Variants in MBD2 observed in about 807,000 individuals in gnomAD.
MBD2 encodes the protein methyl-CpG-binding domain protein 2.
A neutral mutation model predicts 39.3 loss-of-function variants in MBD2; 9 were observed. The observed-to-expected ratio is 0.23, with a 90% CI of 0.14 to 0.40. The LOEUF (loss-of-function observed/expected upper bound fraction) is 0.40, where lower values mean the gene tolerates loss of function less well. Ranked by LOEUF, MBD2 falls within the 10% of genes least tolerant of loss-of-function variation. MBD2 has a pLI of 1.00. For synonymous variants in MBD2, 233 were observed against 211.1 expected, an observed-to-expected ratio of 1.10 and a Z score of -0.90; for missense variants, 458 against 532.6, an observed-to-expected ratio of 0.86 and a Z score of 1.38.
Position 54,192,598 on chromosome 18 carries a change from C to T in MBD2, c.703-3587G>A, listed in dbSNP as rs543706350. Among the ~76,000 whole-genome samples the T allele has an allele frequency of 3.9e-5, 6 of 152,282 alleles. No homozygotes were observed. In the East Asian group the frequency reaches 1.2e-3, roughly 29 times the overall value. ...CAAAGGTGGCATCATGTGTCTACTT[C>T]AGTAGACACACAGAAGTATTTGCAA... On this transcript the variant is annotated intron_variant, in intron 2 of 6. Coordinates refer to ENST00000256429, the MANE Select transcript of MBD2 (RefSeq NM_003927.5).
At chr18:54,158,217 C>T (rs1010439930) in intron 6 of MBD2, among the ~76,000 whole-genome samples, 1 of 151,578 alleles carries the variant, frequency 6.6e-6, no homozygotes, top group Non-Finnish European at 1.5e-5. Flanking sequence ...AGACATACTG[C>T]ATTCCAACCA....
chr18:54,208,114 T>C (rs2086466730), intron 1 of MBD2, among the ~76,000 whole-genome samples: 2 of 152,110 alleles, frequency 1.3e-5, no homozygotes, highest in Admixed American at 1.3e-4. Context: ...AGATATCAGA[T>C]ACTCAAGTTA....
chr18:54,176,944 G>A (rs949213621), intron 3 of MBD2, among the ~76,000 whole-genome samples: 2 of 152,240 alleles, frequency 1.3e-5, no homozygotes, highest in African/African-American at 4.8e-5. Flanking sequence ...GGCTGATGAA[G>A]ACAGAGGTGC....
At chr18:54,156,629 G>T (rs1295067450) in intron 6 of MBD2, among the ~76,000 whole-genome samples, 2 of 152,156 alleles carry the variant, frequency 1.3e-5, no homozygotes, top group Non-Finnish European at 2.9e-5. Flanking sequence ...TGGATCACCT[G>T]AGGTCAGGAG....
At position 54,164,597 on chromosome 18, in the gene MBD2, T is replaced by C. The variant is rs571919409; in HGVS notation, c.1035A>G (p.Glu345=). 6.2e-7 allele frequency: 1 copy of C among 1,614,200 alleles called. No individual in the cohort carries two copies. The highest frequency in any genetic ancestry group is 1.1e-5 in the South Asian group (1 of 91,086). ...TGTTAAGCCAAACAGCAGGGTTCTT[T>C]TCCACAGCAGCGGAGACTTGCCCTG... ...PITGQVSAAV[E]KNPAVWLNTS... is the part of the protein sequence containing the mutation. The change falls in exon 5 of 7, where the codon GAA becomes GAG. Residue 345 remains glutamate (E), a synonymous_variant. Transcript: ENST00000256429.
intron 3 of MBD2, among the ~76,000 whole-genome samples, chr18:54,176,112 CA>C (rs2086211474): frequency 6.6e-6 from 1 of 152,198 alleles, no homozygotes; most frequent in Non-Finnish European, 1.5e-5. Context: ...CTACATCTGT[CA>C]AGAGCATGAT....
intron 1 of MBD2, among the ~76,000 whole-genome samples, chr18:54,218,564 T>C (rs570867): frequency 0.85 from 128,780 of 152,238 alleles, 54,936 homozygotes; most frequent in East Asian, 1. Context: ...TCAGGTTGTA[T>C]CTTTGCACTT....
chr18:54,216,572 G>A (rs1243779782), intron 1 of MBD2, among the ~76,000 whole-genome samples: 3 of 152,174 alleles, frequency 2.0e-5, no homozygotes, highest in Non-Finnish European at 4.4e-5. Flanking sequence ...AATGTGATAA[G>A]AGTTAACAGA....
At chr18:54,205,609 A>AC (rs998435760) in intron 1 of MBD2, among the ~76,000 whole-genome samples, 3 of 151,636 alleles carry the variant, frequency 2.0e-5, no homozygotes, top group Admixed American at 6.6e-5. Context: ...AAAAAAAAAA[A>AC]AAAGTTAAAG....
At chr18:54,155,916 T>C (rs1484152718) in intron 6 of MBD2, among the ~76,000 whole-genome samples, 1 of 152,198 alleles carries the variant, frequency 6.6e-6, no homozygotes, top group Non-Finnish European at 1.5e-5. Flanking sequence ...CTTCTTAAAT[T>C]TTACTTAAGT....
chr18:54,224,546 G>C lies in MBD2; in HGVS notation c.14C>G (p.Pro5Arg). 2.5e-6 allele frequency: 3 copies of C among 1,200,240 alleles called. No homozygotes were observed. Among genetic ancestry groups the C allele is most frequent in the Non-Finnish European group, 3.1e-6 (3 of 968,518 alleles). 74.3% of individuals were successfully genotyped at this position (1,200,240 alleles called of 1,614,324 possible). A position where few individuals can be genotyped will look rare whatever the true frequency, so the allele number is the denominator to read the frequency against. MRAH[P>R]GGGRCCPEQE... ...CTCCGGGCAGCAGCGGCCTCCCCCC[G>C]GGTGCGCGCGCATCCAGCCCCCTCC... is the stretch of plus-strand genomic sequence containing the variant. The change falls in exon 1 of 7, where the codon CCG (proline) becomes CGG (arginine). Residue 5 changes from proline to arginine, a missense_variant. By Grantham distance (103) the Pro-to-Arg change is moderately radical. This residue lies in a region of MBD2 where 269 missense variants were observed against 236.0 expected (regional missense o/e 1.14). Coordinates refer to ENST00000256429, the MANE Select transcript of MBD2 (RefSeq NM_003927.5).
intron 2 of MBD2, among the ~76,000 whole-genome samples, chr18:54,197,387 T>C (rs1273001148): frequency 6.6e-6 from 1 of 152,224 alleles, no homozygotes; most frequent in African/African-American, 2.4e-5. Context: ...CTCCACTCCC[T>C]AAGCTCCAGC....
At chr18:54,177,902 T>C (rs1330922441) in intron 3 of MBD2, among the ~76,000 whole-genome samples, 2 of 143,250 alleles carry the variant, frequency 1.4e-5, no homozygotes, top group Non-Finnish European at 3.0e-5. Context: ...GCAGTGGGTA[T>C]GATCATAGCT....
chr18:54,207,755 T>C (rs1217595808), intron 1 of MBD2, among the ~76,000 whole-genome samples: 1 of 152,194 alleles, frequency 6.6e-6, no homozygotes, highest in Non-Finnish European at 1.5e-5. Context: ...AATGCTGCAA[T>C]AGCCAGGCGC....
intron 3 of MBD2, among the ~76,000 whole-genome samples, chr18:54,174,222 T>G (rs571100278): frequency 1.4e-4 from 21 of 152,224 alleles, no homozygotes; most frequent in African/African-American, 5.1e-4. Flanking sequence ...ATATACCAAA[T>G]GTACCCAGGT....
intron 3 of MBD2, among the ~76,000 whole-genome samples, chr18:54,177,769 T>TGCGCCGGGCC (rs71164917): frequency 6.6e-6 from 1 of 150,452 alleles, no homozygotes; most frequent in East Asian, 2.0e-4. Flanking sequence ...CGTGAGCCAC[T>TGCGCCGGGCC]AAATTAATTC....
chr18:54,197,487 T>C (rs1005395781), intron 2 of MBD2, among the ~76,000 whole-genome samples: 1 of 152,218 alleles, frequency 6.6e-6, no homozygotes, highest in Non-Finnish European at 1.5e-5. Flanking sequence ...AGCTTCTCCT[T>C]CTGGTTTTGT....
intron 3 of MBD2, among the ~76,000 whole-genome samples, chr18:54,172,601 C>A (rs1255686690): frequency 6.6e-6 from 1 of 152,040 alleles, no homozygotes; most frequent in African/African-American, 2.4e-5. Context: ...ATCATTATAT[C>A]CAATTTGAAA....
At chr18:54,221,281 C>A (rs1184078477) in intron 1 of MBD2, among the ~76,000 whole-genome samples, 1 of 151,860 alleles carries the variant, frequency 6.6e-6, no homozygotes, top group African/African-American at 2.4e-5. Flanking sequence ...CACGGTAAAA[C>A]CCTGTCTCTA....
Sources: gnomAD v4.1 joint callset for allele counts (sites outside exome capture counted in the v4.1 genomes callset) on GRCh38, gnomAD v4.1.1 for gene constraint, gnomAD v4.1.1 regional missense constraint, MANE v1.5 for transcripts, NCBI Gene and HGNC (gene_info 2026-07-23, HGNC 2026-07-21) for gene names.